Variants in NLK observed in about 807,000 individuals in gnomAD.
The protein encoded by NLK is serine/threonine-protein kinase NLK.
NLK carries 11 observed loss-of-function variants against 59.0 expected under a neutral mutation model. The observed-to-expected ratio is 0.19, with a 90% confidence interval of 0.12 to 0.31. NLK has a LOEUF of 0.31. Ranked by LOEUF, NLK falls within the 10% of genes least tolerant of loss-of-function variation. The probability of loss-of-function intolerance (pLI) is 1.00; values close to 1 mark genes in which losing one functional copy is unlikely to be tolerated. For missense variants in NLK, 410 were observed against 661.1 expected (o/e 0.62, Z 4.16); for synonymous variants, 235 against 235.9 (o/e 1.00, Z 0.03).
chr17:28,111,899 GTGTGTGTGTGTGT>G (rs1905525650), intron 1 of NLK, among the ~76,000 whole-genome samples: 3 of 76,202 alleles, frequency 3.9e-5, no homozygotes, highest in African/African-American at 1.6e-4. Context: ...TGTGTGTGGT[GTGTGTGTGTGTGT>G]GTGTGTGTGT....
At chr17:28,083,981 AC>A (rs1227656887) in intron 1 of NLK, among the ~76,000 whole-genome samples, 2 of 152,160 alleles carry the variant, frequency 1.3e-5, no homozygotes. Context: ...CTACCACAAA[AC>A]AATTATGAAA....
Position 28,047,917 on chromosome 17 carries a change from G to T in NLK, c.458+4586G>T, listed in dbSNP as rs1597650776. ...TTTTGTTATTAACTGTGTTTTACAG[G>T]TTGAGAATCTGTAGTACTGAGAAGT... On this transcript the variant is annotated intron_variant, in intron 1 of 10. Transcript: ENST00000407008. The T allele has an allele frequency of 7.5e-6, 3 of 398,352 alleles. No homozygotes were observed. In the East Asian group the frequency reaches 1.1e-4, roughly 14 times the overall value. 24.7% of individuals were successfully genotyped at this position (398,352 alleles called of 1,614,324 possible).
chr17:28,192,792 C>T (rs1338176950), intron 10 of NLK, among the ~76,000 whole-genome samples: 2 of 152,230 alleles, frequency 1.3e-5, no homozygotes, highest in African/African-American at 4.8e-5. Flanking sequence ...GGCAGTCCTG[C>T]TGCAGCATTA....
At chr17:28,189,694 A>G (rs1226542973) in intron 8 of NLK, among the ~76,000 whole-genome samples, 1 of 152,242 alleles carries the variant, frequency 6.6e-6, no homozygotes, top group African/African-American at 2.4e-5. Flanking sequence ...GTGGAACACT[A>G]TCCCAGTGGA....
At chr17:28,200,730 C>T (rs1347182440), downstream of NLK, among the ~76,000 whole-genome samples, 2 of 152,214 alleles carry the variant, frequency 1.3e-5, no homozygotes, top group African/African-American at 2.4e-5. Flanking sequence ...GTGATCCACC[C>T]GCCTTGGCCT....
intron 7 of NLK, among the ~76,000 whole-genome samples, chr17:28,178,535 GAA>G (rs1567738211): frequency 6.6e-6 from 1 of 152,216 alleles, no homozygotes; most frequent in African/African-American, 2.4e-5. Context: ...TGATAGGATT[GAA>G]AAGTCTATTG....
intron 7 of NLK, among the ~76,000 whole-genome samples, chr17:28,183,088 G>T (rs1354425290): frequency 6.6e-6 from 1 of 152,228 alleles, no homozygotes; most frequent in East Asian, 1.9e-4. Flanking sequence ...GGGCACAGTG[G>T]CGTGTGCCTT....
At chr17:28,197,769 CTTTATA>C (rs1909520429), downstream of NLK, among the ~76,000 whole-genome samples, 1 of 151,750 alleles carries the variant, frequency 6.6e-6, no homozygotes, top group East Asian at 1.9e-4. Flanking sequence ...TAAAATATTA[CTTTATA>C]TTAAAATAAG....
downstream of NLK, among the ~76,000 whole-genome samples, chr17:28,199,664 T>TAAA (rs1909573189): frequency 3.6e-5 from 1 of 28,006 alleles, no homozygotes; most frequent in Non-Finnish European, 5.7e-5. Context: ...AGACTCTGTC[T>TAAA]CAAAAAAAAA....
intron 1 of NLK, among the ~76,000 whole-genome samples, chr17:28,090,946 AT>A (rs2142777393): frequency 6.6e-6 from 1 of 151,796 alleles, no homozygotes; most frequent in East Asian, 1.9e-4. Context: ...TCTAAATGTA[AT>A]TTTCTTCATG....
At chr17:28,181,090 C>CAA (rs973812401) in intron 7 of NLK, among the ~76,000 whole-genome samples, 1 of 151,666 alleles carries the variant, frequency 6.6e-6, no homozygotes, top group Admixed American at 6.6e-5. Context: ...CCTGTCTCTA[C>CAA]AAAAAAATTT....
At chr17:28,053,333 A>G (rs1006121996) in intron 1 of NLK, among the ~76,000 whole-genome samples, 2 of 152,208 alleles carry the variant, frequency 1.3e-5, no homozygotes, top group Admixed American at 6.5e-5. Context: ...AATGATCTCT[A>G]TAGAGAAGTC....
At chr17:28,055,095 CTT>C (rs1041966713) in intron 1 of NLK, among the ~76,000 whole-genome samples, 12 of 132,102 alleles carry the variant, frequency 9.1e-5, no homozygotes, top group Non-Finnish European at 9.9e-5. Context: ...ATTTTTTTTT[CTT>C]TTTTTTTTTT....
At chr17:28,198,691 A>G (rs557211769), downstream of NLK, among the ~76,000 whole-genome samples, 4 of 152,124 alleles carry the variant, frequency 2.6e-5, no homozygotes, top group South Asian at 6.2e-4. Context: ...CTTCACAGTT[A>G]TTCTCCCACT....
At chr17:28,051,506 G>A (rs180973187) in intron 1 of NLK, among the ~76,000 whole-genome samples, 66 of 151,912 alleles carry the variant, frequency 4.3e-4, no homozygotes, top group Admixed American at 1.1e-3. Context: ...TTACAGGCAC[G>A]TGGCACCACA....
intron 1 of NLK, among the ~76,000 whole-genome samples, chr17:28,072,907 G>A (rs1218128472): frequency 6.6e-6 from 1 of 151,870 alleles, no homozygotes; most frequent in Non-Finnish European, 1.5e-5. Context: ...GTCTTTGTTG[G>A]TCTAATACAT....
intron 1 of NLK, among the ~76,000 whole-genome samples, chr17:28,094,396 T>A (rs958176145): frequency 1.2e-4 from 19 of 152,232 alleles, no homozygotes; most frequent in African/African-American, 4.1e-4. Context: ...ATGGATATAT[T>A]TACTAGTAGT....
At chr17:28,105,908 C>A (rs1381675331) in intron 1 of NLK, among the ~76,000 whole-genome samples, 1 of 152,212 alleles carries the variant, frequency 6.6e-6, no homozygotes, top group Non-Finnish European at 1.5e-5. Context: ...GTCAGACTAC[C>A]AACATATAAA....
At chr17:28,133,613 C>T (rs117006637) in intron 3 of NLK, among the ~76,000 whole-genome samples, 56 of 152,232 alleles carry the variant, frequency 3.7e-4, no homozygotes, top group Non-Finnish European at 7.2e-4. Flanking sequence ...CCTGACATTC[C>T]TGGGCAAAGT....
Sources: gnomAD v4.1 joint callset for allele counts (sites outside exome capture counted in the v4.1 genomes callset) on GRCh38, gnomAD v4.1.1 for gene constraint, MANE v1.5 for transcripts, NCBI Gene and HGNC (gene_info 2026-07-23, HGNC 2026-07-21) for gene names.